Variants in NXN observed in about 807,000 individuals in gnomAD.
The protein encoded by NXN is nucleoredoxin 1.
Under a neutral mutation model 48.6 loss-of-function variants are expected in NXN, and 16 were observed. The ratio of observed to expected loss-of-function variants is 0.33; its 90% CI spans 0.22 to 0.50. The LOEUF is 0.50. Ranked by LOEUF, NXN falls within the 20% of genes least tolerant of loss-of-function variation. The pLI, the probability that NXN is intolerant of heterozygous loss-of-function variation, is 0.98. For synonymous variants in NXN, 281 were observed against 269.6 expected (o/e 1.04, Z -0.41); for missense variants, 492 against 605.5 (o/e 0.81, Z 1.97).
At chr17:905,137 G>T (rs1003038763) in intron 1 of NXN, 1 of 152,110 alleles carries the variant, frequency 6.6e-6, no homozygotes, top group East Asian at 1.9e-4. Flanking sequence ...AATAGGCCAG[G>T]TGTGGTGGCT....
chr17:808,328 A>G (rs1161868160), intron 5 of NXN, among the ~76,000 whole-genome samples: 21 of 146,180 alleles, frequency 1.4e-4, no homozygotes, highest in Admixed American at 2.8e-4. Context: ...TTTTAGACGC[A>G]GTCTCCCTCT....
chr17:864,221 G>T, intron 1 of NXN: 1 of 1,258,218 alleles, frequency 7.9e-7, no homozygotes, highest in Non-Finnish European at 1.1e-6. Context: ...GGGCATTCAT[G>T]GTACTTGTCT....
intron 1 of NXN, among the ~76,000 whole-genome samples, chr17:885,614 G>A (rs1044604966): frequency 5.5e-5 from 5 of 91,524 alleles, no homozygotes; most frequent in Admixed American, 1.2e-4. Flanking sequence ...TTTTCTTTGC[G>A]CACACATGCC....
intron 1 of NXN, among the ~76,000 whole-genome samples, chr17:934,614 C>T (rs1046341257): frequency 6.6e-6 from 1 of 152,082 alleles, no homozygotes; most frequent in Non-Finnish European, 1.5e-5. Flanking sequence ...TGGCTCATGC[C>T]TGTAATCCCA....
chr17:888,436 G>T (rs958480873), intron 1 of NXN, among the ~76,000 whole-genome samples: 2 of 152,056 alleles, frequency 1.3e-5, no homozygotes, highest in Non-Finnish European at 2.9e-5. Flanking sequence ...GCCCAGTCTG[G>T]CAAAGAAATC....
rs2068760723 is a variant in NXN, at chr17:922,739, C to T, written c.360+56580G>A. Among the ~76,000 whole-genome samples, 5 of 151,918 alleles carry T rather than the reference C, an allele frequency of 3.3e-5. No homozygotes were observed. The South Asian group carries it at 1.0e-3, about 32-fold the overall frequency. ...CGATCTCGGCTCACTGCAACCTCTG[C>T]CTCCGGGGTTCAAGCGATTCTCCTG... On this transcript the variant is annotated intron_variant, in intron 1 of 7. Transcript: ENST00000336868.
intron 1 of NXN, among the ~76,000 whole-genome samples, chr17:959,782 G>A (rs1293722921): frequency 8.7e-6 from 1 of 114,612 alleles, no homozygotes; most frequent in Non-Finnish European, 1.8e-5. Flanking sequence ...GAACAAGAGC[G>A]AGACTCTGTA....
intron 1 of NXN, among the ~76,000 whole-genome samples, chr17:927,788 A>G (rs988047904): frequency 6.6e-6 from 1 of 152,004 alleles, no homozygotes; most frequent in Non-Finnish European, 1.5e-5. Context: ...ACGGGCTTAG[A>G]GGGAGAAGTG....
chr17:815,191 G>A (rs893779598), intron 5 of NXN, among the ~76,000 whole-genome samples: 14 of 152,368 alleles, frequency 9.2e-5, no homozygotes, highest in Middle Eastern at 3.4e-3. Context: ...TTTTGAAGGC[G>A]ATGAGGCACT....
Position 958,763 on chromosome 17 carries a change from A to AAAAAT in NXN, c.360+20551_360+20555dup, listed in dbSNP as rs945623620. Among the ~76,000 whole-genome samples, 42 of 152,194 alleles carry AAAAAT rather than the reference A, an allele frequency of 2.8e-4. No individual in the cohort carries two copies. Among genetic ancestry groups the AAAAAT allele is most frequent in the African/African-American group, 9.2e-4 (38 of 41,518 alleles). On this transcript the variant is annotated intron_variant, in intron 1 of 7. Transcript: ENST00000336868. This position sits in a 1 kb window ranked among gnomAD's most constrained non-coding sequence, Gnocchi z 6.9. ...GGCGACAGAGCGAGACTCCCTCTCA[A>AAAAAT]AAAATAAAATAAAATAAAAATTAGC...
At chr17:845,744 A>G (rs547357655) in intron 1 of NXN, among the ~76,000 whole-genome samples, 1 of 152,332 alleles carries the variant, frequency 6.6e-6, no homozygotes, top group African/African-American at 2.4e-5. Context: ...ATTTTCACAC[A>G]TTTGTCATGG....
chr17:827,869 T>C (rs1913218117), intron 1 of NXN, among the ~76,000 whole-genome samples: 1 of 152,098 alleles, frequency 6.6e-6, no homozygotes, highest in Admixed American at 6.6e-5. Flanking sequence ...GGATGAGGAT[T>C]GTCCCGAGTT....
chr17:800,972 T>G lies in NXN; in HGVS notation c.1285A>C (p.Lys429Gln). 4.0e-6 allele frequency: 6 copies of G among 1,510,640 alleles called. No homozygotes were observed. Among genetic ancestry groups the G allele is most frequent in the Non-Finnish European group, 4.4e-6 (5 of 1,124,310 alleles). The allele number at this position is 1,510,640 out of a possible 1,614,324, so 93.6% of individuals were successfully genotyped here. The change falls in exon 8 of 8, where the codon AAG (lysine) becomes CAG (glutamine). Residue 429 changes from lysine to glutamine, a missense_variant. Coordinates refer to ENST00000336868, the MANE Select transcript of NXN (RefSeq NM_022463.5). ...CGCTAGATGGGCTCCGGTTTGAGCT[T>G]CTCTGCTAGGAAGTCATTCACAAAG... The part of the protein sequence containing the change: ...EAFVNDFLAE[K>Q]LKPEPI
chr17:817,625 C>T (rs1447422389), intron 5 of NXN, among the ~76,000 whole-genome samples: 5 of 149,360 alleles, frequency 3.3e-5, no homozygotes, highest in Admixed American at 6.7e-5. Flanking sequence ...ACCAAGATTG[C>T]GCCACTGCAC....
At chr17:907,349 T>C (rs992859125) in intron 1 of NXN, among the ~76,000 whole-genome samples, 1 of 151,922 alleles carries the variant, frequency 6.6e-6, no homozygotes, top group African/African-American at 2.4e-5. Flanking sequence ...CCTATTTTTT[T>C]TTTTTTTTTA....
intron 1 of NXN, among the ~76,000 whole-genome samples, chr17:854,457 G>A (rs1014469742): frequency 2.9e-4 from 43 of 147,464 alleles, no homozygotes; most frequent in African/African-American, 9.8e-4. Flanking sequence ...GACCATCCTG[G>A]CTAACACGGT....
At chr17:869,998 C>T (rs755774533) in intron 1 of NXN, among the ~76,000 whole-genome samples, 1 of 152,172 alleles carries the variant, frequency 6.6e-6, no homozygotes, top group Non-Finnish European at 1.5e-5. Context: ...GTGCTTCCCA[C>T]GGGCCATTTA....
chr17:947,144 G>A (rs1184165667), intron 1 of NXN, among the ~76,000 whole-genome samples: 3 of 152,128 alleles, frequency 2.0e-5, no homozygotes, highest in Non-Finnish European at 4.4e-5. Context: ...GTCCCCCTCG[G>A]TTACGAACCC....
At chr17:913,620 T>C (rs970570381) in intron 1 of NXN, among the ~76,000 whole-genome samples, 7 of 142,748 alleles carry the variant, frequency 4.9e-5, no homozygotes, top group African/African-American at 2.1e-4. Flanking sequence ...CCCCAGGCAA[T>C]GCAGAGACCG....
Sources: allele counts gnomAD v4.1 joint callset (sites outside exome capture counted in the v4.1 genomes callset), GRCh38; gene constraint gnomAD v4.1.1; non-coding constraint Gnocchi (gnomAD v3.1); transcripts MANE v1.5; gene names NCBI Gene and HGNC (gene_info 2026-07-23, HGNC 2026-07-21).